TSNAX: variants seen among roughly 807,000 people sequenced by gnomAD.
The protein encoded by TSNAX is translin associated factor X.
TSNAX carries 12 observed loss-of-function variants against 33.0 expected under a neutral mutation model. The ratio of observed to expected loss-of-function variants is 0.36; its 90% confidence interval spans 0.23 to 0.59. The LOEUF (loss-of-function observed/expected upper bound fraction) is 0.59, where lower values mean the gene tolerates loss of function less well. TSNAX is among the 20% of genes least tolerant of loss of function. The pLI, the probability that TSNAX is intolerant of heterozygous loss-of-function variation, is 0.74. For missense variants in TSNAX, 267 were observed against 341.3 expected (o/e 0.78, Z 1.72); for synonymous variants, 110 against 117.2 (o/e 0.94, Z 0.40).
intron 4 of TSNAX, among the ~76,000 whole-genome samples, chr1:231,549,044 G>T (rs1452535582): frequency 6.6e-6 from 1 of 152,196 alleles, no homozygotes; most frequent in Non-Finnish European, 1.5e-5. Flanking sequence ...TTACAGATGG[G>T]TATAGAGGTA....
rs774496340 is a variant in TSNAX at position 231,537,272 on chromosome 1, C to T, written c.181C>T (p.Arg61Trp). The stretch of plus-strand genomic sequence containing the variant: ...ATATGAGAGACTTGTGAAACTTAGT[C>T]GGGATATAACTGTTGAAAGTAAAAG... Reference protein sequence around the residue: ...DKYERLVKLSRDITVESKRTI... With the variant: ...DKYERLVKLSWDITVESKRTI... The change falls in exon 3 of 6, where the codon CGG (arginine) becomes TGG (tryptophan). Residue 61 changes from arginine to tryptophan, a missense_variant. Arg to Trp is a moderately radical substitution (Grantham distance 101). Coordinates refer to ENST00000366639, the MANE Select transcript of TSNAX (RefSeq NM_005999.3). 4 of 1,613,306 alleles carry T rather than the reference C, an allele frequency of 2.5e-6. No individual in the cohort carries two copies.
At chr1:231,541,447 G>T (rs888783023) in intron 3 of TSNAX, among the ~76,000 whole-genome samples, 1 of 152,132 alleles carries the variant, frequency 6.6e-6, no homozygotes, top group Non-Finnish European at 1.5e-5. Context: ...TTCGCGTATG[G>T]TATAAAAATC....
At chr1:231,560,411 C>CCA (rs1661010742) in intron 4 of TSNAX, among the ~76,000 whole-genome samples, 1 of 91,880 alleles carries the variant, frequency 1.1e-5, no homozygotes, top group Non-Finnish European at 2.2e-5. Flanking sequence ...TTTTCTCCCC[C>CCA]CCCCCCCTTT....
chr1:231,564,669 AC>A lies in TSNAX; in HGVS notation c.642del (p.Phe215LeufsTer3). ...CAGTGTGGGGAATGGGGACATTGAT[AC>A]CCCCTTTGAAGTGAGCCAGTTTTTA... ...INSVGNGDID[T>X]PFEVSQFLRQ... On this transcript the variant is annotated frameshift_variant, in exon 6 of 6. Coordinates refer to ENST00000366639, the MANE Select transcript of TSNAX (RefSeq NM_005999.3). LOFTEE classifies it high-confidence loss of function. The A allele has an allele frequency of 6.2e-7, 1 of 1,613,834 alleles. No homozygotes were observed. The highest frequency in any genetic ancestry group is 8.5e-7 in the Non-Finnish European group (1 of 1,179,964).
In TSNAX at chr1:231,564,983, T is replaced by G. The variant is rs1572156294; in HGVS notation, c.*78T>G. ...TTGTAAGACTTATTTAGTATTTCAT[T>G]TAACTTTATTGTGGCTTTTACATAG... On this transcript the variant is annotated 3_prime_UTR_variant, in exon 6 of 6. Coordinates refer to ENST00000366639, the MANE Select transcript of TSNAX (RefSeq NM_005999.3). The G allele has an allele frequency of 6.7e-7, 1 of 1,489,588 alleles. No individual in the cohort carries two copies. The highest frequency in any genetic ancestry group is 2.3e-5 in the East Asian group (1 of 43,856). The allele number at this position is 1,489,588 out of a possible 1,614,324, so 92.3% of individuals were successfully genotyped here.
At chr1:231,549,451 T>C (rs1351339747) in intron 4 of TSNAX, among the ~76,000 whole-genome samples, 1 of 152,032 alleles carries the variant, frequency 6.6e-6, no homozygotes, top group African/African-American at 2.4e-5. Flanking sequence ...AATAAAAGAA[T>C]GAATGTGAGT....
chr1:231,530,331 A>G (rs1658595112), intron 2 of TSNAX, among the ~76,000 whole-genome samples: 1 of 152,248 alleles, frequency 6.6e-6, no homozygotes, highest in South Asian at 2.1e-4. Context: ...AAACCACCAC[A>G]GTATCTACTG....
intron 4 of TSNAX, among the ~76,000 whole-genome samples, chr1:231,556,783 G>A (rs2124935551): frequency 6.6e-6 from 1 of 152,128 alleles, no homozygotes; most frequent in Admixed American, 6.5e-5. Context: ...TGCTCAACAT[G>A]CATACAGATA....
intron 4 of TSNAX, among the ~76,000 whole-genome samples, chr1:231,550,216 G>A (rs1342134185): frequency 1.3e-5 from 2 of 152,216 alleles, no homozygotes; most frequent in Non-Finnish European, 2.9e-5. Flanking sequence ...ATTTGGGGCA[G>A]CCCAGTTCAG....
chr1:231,562,809 G>A (rs1044578429), intron 5 of TSNAX, among the ~76,000 whole-genome samples: 6 of 152,148 alleles, frequency 3.9e-5, no homozygotes, highest in Non-Finnish European at 7.4e-5. Context: ...GCTCTGACTT[G>A]CCTGTTGAGA....
chr1:231,563,123 C>T (rs900205610), intron 5 of TSNAX, among the ~76,000 whole-genome samples: 51 of 152,184 alleles, frequency 3.4e-4, no homozygotes, highest in Non-Finnish European at 1.3e-4. Flanking sequence ...TTCCTTTAAA[C>T]TTTACTCAAA....
intron 4 of TSNAX, among the ~76,000 whole-genome samples, chr1:231,549,325 CAGG>C (rs1660151334): frequency 6.6e-6 from 1 of 151,974 alleles, no homozygotes; most frequent in African/African-American, 2.4e-5. Context: ...GCACCTGAGG[CAGG>C]AGAATTGCTT....
At chr1:231,529,819 C>A (rs1658540522) in intron 2 of TSNAX, among the ~76,000 whole-genome samples, 2 of 152,196 alleles carry the variant, frequency 1.3e-5, no homozygotes, top group South Asian at 4.1e-4. Flanking sequence ...TCACAGTCCC[C>A]TTTTCTCAGC....
At chr1:231,546,683 G>A (rs758001225) in intron 4 of TSNAX, among the ~76,000 whole-genome samples, 1 of 152,204 alleles carries the variant, frequency 6.6e-6, no homozygotes, top group Non-Finnish European at 1.5e-5. Context: ...AAACTGTGAC[G>A]TTGCAGTGAC....
rs768510300 is a variant in TSNAX, at chr1:231,529,334, T to G, written c.96T>G (p.Ser32=). The change falls in exon 2 of 6, where the codon TCT becomes TCG. Residue 32 remains serine, a synonymous_variant. Coordinates refer to ENST00000366639, the MANE Select transcript of TSNAX (RefSeq NM_005999.3). ...QRREGKDVNS[S]SPVMLAFKSF... ...GAGAAGGGAAGGATGTTAATTCATC[T>G]TCACCCGTGATGTTGGCCTTTAAAT... 2.5e-6 allele frequency: 4 copies of G among 1,614,210 alleles called. No individual in the cohort carries two copies. Among genetic ancestry groups the G allele is most frequent in the South Asian group, 2.2e-5 (2 of 91,086 alleles).
chr1:231,529,420 A>G lies in TSNAX; in HGVS notation c.121+61A>G. ...AGAACAAAATTATTTAGCCATGGTT[A>G]TGCGCAAGAAAACAGTCCCTAAGAA... is the stretch of plus-strand genomic sequence containing the variant. On this transcript the variant is annotated intron_variant, in intron 2 of 5. Coordinates refer to ENST00000366639, the MANE Select transcript of TSNAX (RefSeq NM_005999.3). 5.2e-6 allele frequency: 8 copies of G among 1,537,390 alleles called. No homozygotes were observed. The South Asian group carries it at 9.1e-5, about 17-fold the overall frequency.
intron 2 of TSNAX, chr1:231,535,284 G>T (rs1268313428): frequency 6.6e-6 from 1 of 152,136 alleles, no homozygotes; most frequent in African/African-American, 2.4e-5. Context: ...GTATAGCTTT[G>T]TGTTCTGGAA....
rs201535941 is a variant in TSNAX at position 231,529,269 on chromosome 1, A to G, written c.31A>G (p.Arg11Gly). The G allele has an allele frequency of 4.0e-5, 64 of 1,614,030 alleles. No homozygotes were observed. Among genetic ancestry groups the G allele is most frequent in the Non-Finnish European group, 4.9e-5 (58 of 1,180,036 alleles). ...CTCTATATAAGGATCAGGAGGGTTC[A>G]GGAAAAGGAAGCATGACAATTTCCC... MSNKEGSGGF[R>G]KRKHDNFPHN... The change falls in exon 2 of 6, where the codon AGG becomes GGG. Residue 11 changes from arginine (R) to glycine (G), a missense_variant. By Grantham distance (125) the Arg-to-Gly change is moderately radical. This residue lies in a region of TSNAX where 200 missense variants were observed against 214.1 expected (regional missense o/e 0.93). Coordinates refer to ENST00000366639, the MANE Select transcript of TSNAX (RefSeq NM_005999.3).
intron 2 of TSNAX, 33 bp from the exon 3 acceptor site, chr1:231,537,180 A>C (rs1381991078): frequency 6.7e-7 from 1 of 1,489,922 alleles, no homozygotes; most frequent in Non-Finnish European, 9.3e-7. Flanking sequence ...TGAGTATAGA[A>C]TATACATGCT....
Sources: allele counts gnomAD v4.1 joint callset (sites outside exome capture counted in the v4.1 genomes callset), GRCh38; gene constraint gnomAD v4.1.1; regional missense constraint gnomAD v4.1.1; transcripts MANE v1.5; gene names NCBI Gene and HGNC (gene_info 2026-07-23, HGNC 2026-07-21).